Variants in CAMKMT observed in about 807,000 individuals in gnomAD.
CAMKMT encodes the protein calmodulin-lysine N-methyltransferase.
CAMKMT carries 53 observed loss-of-function variants against 48.0 expected under a neutral mutation model. That is an observed-to-expected ratio of 1.10 (90% CI 0.89 to 1.39). The LOEUF (loss-of-function observed/expected upper bound fraction) is 1.39, where lower values mean the gene tolerates loss of function less well. Among genes scored for constraint, CAMKMT ranks in the 40% most tolerant of loss-of-function variants. The probability of loss-of-function intolerance (pLI) is 0.00; values close to 1 mark genes in which losing one functional copy is unlikely to be tolerated. For missense variants in CAMKMT, 428 were observed against 402.7 expected (o/e 1.06, Z -0.54); for synonymous variants, 165 against 152.3 (o/e 1.08, Z -0.61).
rs574782363 is a variant in CAMKMT at position 44,504,630 on chromosome 2, G to C, written c.376+114325G>C. On this transcript the variant is annotated intron_variant, in intron 3 of 10. Coordinates refer to ENST00000378494, the MANE Select transcript of CAMKMT (RefSeq NM_024766.5). ...TTTTCTGCGTCCTTGCCAGCCTTTGGTGTTGCTGTTATTTTTATTTTAGCC... is the reference window on the plus strand; with the variant it reads ...TTTTCTGCGTCCTTGCCAGCCTTTGCTGTTGCTGTTATTTTTATTTTAGCC... 2.6e-5 allele frequency among the ~76,000 whole-genome samples: 4 copies of C among 152,222 alleles called. 1 individual carries two copies. Among genetic ancestry groups the C allele is most frequent in the Middle Eastern group, 3.4e-3 (1 of 294 alleles).
intron 2 of CAMKMT, among the ~76,000 whole-genome samples, chr2:44,373,284 A>G (rs1392854092): frequency 2.6e-5 from 4 of 152,164 alleles, no homozygotes; most frequent in African/African-American, 4.8e-5. Flanking sequence ...TATTTTTTCC[A>G]TTTATTTATT....
chr2:44,757,753 G>T (rs1186251255), intron 9 of CAMKMT, among the ~76,000 whole-genome samples: 3 of 152,026 alleles, frequency 2.0e-5, no homozygotes, highest in Non-Finnish European at 4.4e-5. Context: ...GGTAGAGATG[G>T]GGTTTCACCT....
chr2:44,607,934 C>A (rs1437908649), intron 3 of CAMKMT, among the ~76,000 whole-genome samples: 1 of 151,964 alleles, frequency 6.6e-6, no homozygotes, highest in Non-Finnish European at 1.5e-5. Context: ...CATGACTGAT[C>A]TTATTCCACT....
intron 3 of CAMKMT, among the ~76,000 whole-genome samples, chr2:44,523,477 T>G (rs1010179252): frequency 2.0e-5 from 3 of 151,876 alleles, no homozygotes; most frequent in African/African-American, 7.3e-5. Flanking sequence ...CATTTTTTTG[T>G]AGAGAAAGAG....
In CAMKMT at chr2:44,618,843, C is replaced by A. The variant is rs1672027561; in HGVS notation, c.377-85440C>A. On this transcript the variant is annotated intron_variant, in intron 3 of 10. Coordinates refer to ENST00000378494, the MANE Select transcript of CAMKMT (RefSeq NM_024766.5). The surrounding 1 kb of genome is among the most constrained non-coding windows in gnomAD (Gnocchi z 4.0). ...CTAAGCAGTTATTTTGTACAACTAC[C>A]TTTTATTCTATTTCATGTATAATTG... is the stretch of plus-strand genomic sequence containing the variant. 6.6e-6 allele frequency among the ~76,000 whole-genome samples: 1 copy of A among 152,046 alleles called. No individual in the cohort carries two copies. The highest frequency in any genetic ancestry group is 6.6e-5 in the Admixed American group (1 of 15,264).
intron 3 of CAMKMT, among the ~76,000 whole-genome samples, chr2:44,434,933 GA>G (rs1396590550): frequency 6.6e-6 from 1 of 152,140 alleles, no homozygotes; most frequent in Non-Finnish European, 1.5e-5. Context: ...AAGTCAATTA[GA>G]AAACATTATA....
At chr2:44,696,694 A>G (rs1328919652) in intron 3 of CAMKMT, among the ~76,000 whole-genome samples, 6 of 152,176 alleles carry the variant, frequency 3.9e-5, no homozygotes, top group Admixed American at 2.6e-4. Flanking sequence ...ACCTACACTC[A>G]GCCTTCTTTA....
chr2:44,594,253 T>C (rs1489482935), intron 3 of CAMKMT, among the ~76,000 whole-genome samples: 1 of 152,178 alleles, frequency 6.6e-6, no homozygotes, highest in Non-Finnish European at 1.5e-5. Context: ...AATTTATAAA[T>C]TCAATGCTAT....
At chr2:44,579,169 C>T (rs935312661) in intron 3 of CAMKMT, among the ~76,000 whole-genome samples, 6 of 152,070 alleles carry the variant, frequency 3.9e-5, no homozygotes, top group African/African-American at 1.4e-4. Context: ...TTAACAATTT[C>T]TGGTCAGATT....
intron 7 of CAMKMT, among the ~76,000 whole-genome samples, chr2:44,724,173 A>G (rs780300182): frequency 6.6e-6 from 1 of 152,190 alleles, no homozygotes; most frequent in Non-Finnish European, 1.5e-5. Flanking sequence ...AGGGACGCTG[A>G]GGCAGGAGGA....
chr2:44,523,468 A>AT (rs778234098), intron 3 of CAMKMT, among the ~76,000 whole-genome samples: 4 of 151,356 alleles, frequency 2.6e-5, no homozygotes, highest in Non-Finnish European at 4.4e-5. Context: ...AATTTTTTGC[A>AT]TTTTTTTGTA....
chr2:44,584,978 C>T (rs1023204576), intron 3 of CAMKMT, among the ~76,000 whole-genome samples: 8 of 151,828 alleles, frequency 5.3e-5, no homozygotes, highest in Non-Finnish European at 1.2e-4. Flanking sequence ...TGACATGAAC[C>T]CACGAGGCGG....
intron 3 of CAMKMT, among the ~76,000 whole-genome samples, chr2:44,548,286 G>A (rs2103639472): frequency 6.6e-6 from 1 of 152,252 alleles, no homozygotes; most frequent in Middle Eastern, 3.4e-3. Flanking sequence ...TACGCCTTCT[G>A]TGTTTCTCTG....
intron 3 of CAMKMT, among the ~76,000 whole-genome samples, chr2:44,692,388 C>T (rs1307038128): frequency 2.0e-5 from 3 of 152,190 alleles, no homozygotes; most frequent in Admixed American, 2.0e-4. Flanking sequence ...AGAAGTGAGG[C>T]ATTACCCAAC....
At chr2:44,470,568 T>C (rs1384764682) in intron 3 of CAMKMT, among the ~76,000 whole-genome samples, 3 of 152,206 alleles carry the variant, frequency 2.0e-5, no homozygotes, top group Non-Finnish European at 4.4e-5. Flanking sequence ...TGTTGTAGAT[T>C]GTCAAGGGGG....
In CAMKMT at chr2:44,668,719, C is replaced by G. The variant is rs1675152388; in HGVS notation, c.377-35564C>G. Among the ~76,000 whole-genome samples the G allele has an allele frequency of 1.3e-5, 2 of 152,168 alleles. 1 individual carries two copies. The highest frequency in any genetic ancestry group is 2.9e-5 in the Non-Finnish European group (2 of 68,038). On this transcript the variant is annotated intron_variant, in intron 3 of 10. Transcript: ENST00000378494. ...ATCCTTTCCCAATAGTGTGCCCTTA[C>G]CTCCACTGCTTAAGTAACCACTCTC... is the stretch of plus-strand genomic sequence containing the variant.
chr2:44,680,456 G>A (rs997478424), intron 3 of CAMKMT, among the ~76,000 whole-genome samples: 1 of 152,184 alleles, frequency 6.6e-6, no homozygotes, highest in African/African-American at 2.4e-5. Context: ...ACTTCTGCCA[G>A]CTTGTACAAA....
intron 3 of CAMKMT, among the ~76,000 whole-genome samples, chr2:44,569,422 T>A (rs190653378): frequency 6.6e-6 from 1 of 152,304 alleles, no homozygotes; most frequent in Non-Finnish European, 1.5e-5. Flanking sequence ...ATTCTGAAAA[T>A]CATTTTCTTT....
intron 9 of CAMKMT, among the ~76,000 whole-genome samples, chr2:44,754,584 A>G (rs1045899835): frequency 1.3e-5 from 2 of 152,130 alleles, no homozygotes; most frequent in Admixed American, 1.3e-4. Context: ...CTTCAGATGA[A>G]TCTGTATATT....
Sources: gnomAD v4.1 joint callset for allele counts (sites outside exome capture counted in the v4.1 genomes callset) on GRCh38, gnomAD v4.1.1 for gene constraint, Gnocchi (gnomAD v3.1) non-coding constraint, MANE v1.5 for transcripts, NCBI Gene and HGNC (gene_info 2026-07-23, HGNC 2026-07-21) for gene names.